TRABD2B: variants seen among roughly 807,000 people sequenced by gnomAD.
TRABD2B encodes the protein metalloprotease TIKI2.
Under a neutral mutation model 40.1 loss-of-function variants are expected in TRABD2B, and 14 were observed. The ratio of observed to expected loss-of-function variants is 0.35; its 90% CI spans 0.23 to 0.55. The LOEUF is 0.55. Ranked by LOEUF, TRABD2B falls within the 20% of genes least tolerant of loss-of-function variation. The pLI is 0.90. For synonymous variants in TRABD2B, 263 were observed against 277.0 expected (o/e 0.95, Z 0.50); for missense variants, 541 against 648.6 (o/e 0.83, Z 1.80).
chr1:47,789,650 C>T (rs914872296), intron 4 of TRABD2B, among the ~76,000 whole-genome samples: 1 of 152,176 alleles, frequency 6.6e-6, no homozygotes, highest in Non-Finnish European at 1.5e-5. Context: ...CTACTTCAGA[C>T]AGTGGTGCTC....
chr1:47,853,120 C>T (rs938343290), intron 2 of TRABD2B, among the ~76,000 whole-genome samples: 7 of 152,162 alleles, frequency 4.6e-5, no homozygotes, highest in Admixed American at 2.6e-4. Flanking sequence ...TGAGCAAATA[C>T]CCTGAACGGG....
chr1:47,845,154 CCCTTCCA>C lies in TRABD2B; in HGVS notation c.667-43542_667-43536del, dbSNP rs1645451744. Among the ~76,000 whole-genome samples the C allele has an allele frequency of 3.3e-5, 5 of 152,230 alleles. No homozygotes were observed. In the South Asian group the frequency reaches 1.0e-3, roughly 32 times the overall value. On this transcript the variant is annotated intron_variant, in intron 2 of 6. Coordinates refer to ENST00000606738, the MANE Select transcript of TRABD2B (RefSeq NM_001194986.2). ...CTGTGTTCCAATGACTATGCCTTGCCCCTTCCACCTCCAAGAAAAGCTCACCTTCCCA... is the reference window on the plus strand; with the variant it reads ...CTGTGTTCCAATGACTATGCCTTGCCCCTCCAAGAAAAGCTCACCTTCCCA...
At position 47,976,181 on chromosome 1, in the gene TRABD2B, A is replaced by G. The variant is rs1289407294; in HGVS notation, c.666+17853T>C. Among the ~76,000 whole-genome samples, 3 of 152,192 alleles carry G rather than the reference A, an allele frequency of 2.0e-5. No homozygotes were observed. In the East Asian group the frequency reaches 5.8e-4, roughly 29 times the overall value. On this transcript the variant is annotated intron_variant, in intron 2 of 6. Transcript: ENST00000606738. The stretch of plus-strand genomic sequence containing the variant: ...GCCTGCTCTAAAAGGTCTTGCACTT[A>G]GTAATGGCCCAAAGGAATATCTGGT...
chr1:47,816,853 T>G (rs767432616), intron 2 of TRABD2B, among the ~76,000 whole-genome samples: 3 of 152,182 alleles, frequency 2.0e-5, no homozygotes, highest in African/African-American at 7.2e-5. Flanking sequence ...ATTTTACTGG[T>G]GAGACAAAGG....
chr1:47,991,608 GT>G (rs57680583), intron 2 of TRABD2B, among the ~76,000 whole-genome samples: 58,674 of 151,824 alleles, frequency 0.39, 11,722 homozygotes, highest in African/African-American at 0.48. Context: ...CAAAATTATG[GT>G]TATTTCTGTC....
chr1:47,795,263 A>G (rs1644733038), intron 3 of TRABD2B, among the ~76,000 whole-genome samples: 1 of 152,222 alleles, frequency 6.6e-6, no homozygotes, highest in African/African-American at 2.4e-5. Flanking sequence ...AGAGTGGAAA[A>G]GATCCAGAGA....
chr1:47,938,416 T>C (rs576404361), intron 2 of TRABD2B, among the ~76,000 whole-genome samples: 2 of 152,362 alleles, frequency 1.3e-5, no homozygotes, highest in African/African-American at 4.8e-5. Context: ...CTGAAAACTA[T>C]GGTCCTTTCT....
chr1:47,773,189 G>T (rs1173506661), intron 6 of TRABD2B, among the ~76,000 whole-genome samples: 1 of 152,210 alleles, frequency 6.6e-6, no homozygotes, highest in Non-Finnish European at 1.5e-5. Flanking sequence ...TGAGTGACCA[G>T]CCTAATTGGA....
At chr1:47,832,075 G>A (rs1442576540) in intron 2 of TRABD2B, among the ~76,000 whole-genome samples, 6 of 152,200 alleles carry the variant, frequency 3.9e-5, no homozygotes, top group African/African-American at 1.4e-4. Flanking sequence ...GCTCATGCCT[G>A]TAATCCCAGC....
At chr1:47,913,021 G>A (rs535644614) in intron 2 of TRABD2B, among the ~76,000 whole-genome samples, 2 of 152,302 alleles carry the variant, frequency 1.3e-5, no homozygotes, top group East Asian at 3.9e-4. Context: ...TGTCTGGGCA[G>A]CTCTTGGCTG....
chr1:47,794,887 C>T, intron 3 of TRABD2B, 127 bp from the exon 4 acceptor site: 1 of 876,484 alleles, frequency 1.1e-6, no homozygotes, highest in Non-Finnish European at 1.6e-6. Flanking sequence ...CTCAAGCCAT[C>T]CTCCTGCCTC....
chr1:47,766,356 C>T (rs781063173), intron 6 of TRABD2B, among the ~76,000 whole-genome samples: 1 of 152,136 alleles, frequency 6.6e-6, no homozygotes, highest in Non-Finnish European at 1.5e-5. Flanking sequence ...CAGGTTGTCA[C>T]ATCTCAGCCA....
At chr1:47,940,264 T>C (rs567799428) in intron 2 of TRABD2B, among the ~76,000 whole-genome samples, 1 of 152,190 alleles carries the variant, frequency 6.6e-6, no homozygotes, top group Non-Finnish European at 1.5e-5. Flanking sequence ...CCCAGCACCC[T>C]GCAGAATTCT....
intron 2 of TRABD2B, among the ~76,000 whole-genome samples, chr1:47,816,055 G>A (rs115076116): frequency 0.015 from 2,263 of 152,228 alleles, 46 homozygotes; most frequent in African/African-American, 0.051. Flanking sequence ...ATTCTCCATG[G>A]TCTGGTCTTA....
intron 2 of TRABD2B, among the ~76,000 whole-genome samples, chr1:47,883,124 T>G (rs1644327149): frequency 6.6e-6 from 1 of 152,196 alleles, no homozygotes; most frequent in South Asian, 2.1e-4. Context: ...TTACCCACTC[T>G]TTACAACATC....
chr1:47,768,048 A>C (rs182479330), intron 6 of TRABD2B, among the ~76,000 whole-genome samples: 85 of 152,348 alleles, frequency 5.6e-4, no homozygotes, highest in Middle Eastern at 3.4e-3. Flanking sequence ...GCAGGTGTCC[A>C]AACGGCCTCT....
At chr1:47,922,775 AT>A (rs1317976048) in intron 2 of TRABD2B, among the ~76,000 whole-genome samples, 2 of 151,986 alleles carry the variant, frequency 1.3e-5, no homozygotes, top group Non-Finnish European at 2.9e-5. Flanking sequence ...ATCTAGACTT[AT>A]TTCCTAAGTT....
At chr1:47,910,615 CT>C (rs1644749966) in intron 2 of TRABD2B, among the ~76,000 whole-genome samples, 1 of 152,178 alleles carries the variant, frequency 6.6e-6, no homozygotes, top group African/African-American at 2.4e-5. Context: ...GTCCAGGACA[CT>C]TCTTGAAGCT....
At chr1:47,766,655 G>C (rs889997698) in intron 6 of TRABD2B, among the ~76,000 whole-genome samples, 6 of 152,184 alleles carry the variant, frequency 3.9e-5, no homozygotes, top group Non-Finnish European at 7.3e-5. Context: ...GGGTCTCATT[G>C]CTCCCTTTCC....
Sources: gnomAD v4.1 joint callset for allele counts (sites outside exome capture counted in the v4.1 genomes callset) on GRCh38, gnomAD v4.1.1 for gene constraint, MANE v1.5 for transcripts, NCBI Gene and HGNC (gene_info 2026-07-23, HGNC 2026-07-21) for gene names.